ELMO1: variants seen among roughly 807,000 people sequenced by gnomAD.
ELMO1 encodes engulfment and cell motility 1.
A neutral mutation model predicts 98.9 loss-of-function variants in ELMO1; 26 were observed. The observed-to-expected ratio is 0.26, with a 90% CI of 0.19 to 0.36. The LOEUF is 0.36. ELMO1 is among the 10% of genes least tolerant of loss of function. ELMO1 has a pLI of 1.00. For synonymous variants in ELMO1, 346 were observed against 346.0 expected, an observed-to-expected ratio of 1.00 and a Z score of 0.00; for missense variants, 627 against 935.2, an observed-to-expected ratio of 0.67 and a Z score of 4.30.
In ELMO1 at chr7:37,438,953, C is replaced by T. The variant is rs1273183527; in HGVS notation, c.-74+9722G>A. Among the ~76,000 whole-genome samples the T allele has an allele frequency of 3.9e-5, 6 of 152,236 alleles. No homozygotes were observed. The East Asian group carries it at 7.7e-4, about 20-fold the overall frequency. Reference sequence around the variant, plus strand: ...TGTCATCAATATCTACAGGCAAACACGGTGAGTGCTGGCCTCCCCTCCTTT... The same window carrying T: ...TGTCATCAATATCTACAGGCAAACATGGTGAGTGCTGGCCTCCCCTCCTTT... On this transcript the variant is annotated intron_variant, in intron 1 of 21. Transcript: ENST00000310758.
chr7:37,093,259 T>C (rs531170775), intron 15 of ELMO1, among the ~76,000 whole-genome samples: 11 of 152,312 alleles, frequency 7.2e-5, no homozygotes, highest in African/African-American at 2.4e-4. Flanking sequence ...ATGTTTGCTT[T>C]AGACACCAAA....
intron 4 of ELMO1, among the ~76,000 whole-genome samples, chr7:37,279,649 A>G (rs1413885534): frequency 6.6e-6 from 1 of 152,222 alleles, no homozygotes; most frequent in Non-Finnish European, 1.5e-5. Flanking sequence ...GGAGAGAAAT[A>G]CAGGGTAGAG....
At chr7:37,420,785 T>A (rs1804440912) in intron 1 of ELMO1, among the ~76,000 whole-genome samples, 1 of 152,254 alleles carries the variant, frequency 6.6e-6, no homozygotes, top group South Asian at 2.1e-4. Context: ...TTATAACAGC[T>A]TTTAGCATTA....
rs147686476 is a variant in ELMO1 at position 37,182,707 on chromosome 7, G to C, written c.1086+28679C>G. ...GTAAATAAATTTAAAAAGCCAAGAG[G>C]CTTGGGAATGATACAATTATCACTG... On this transcript the variant is annotated intron_variant, in intron 13 of 21. Coordinates refer to ENST00000310758, the MANE Select transcript of ELMO1 (RefSeq NM_014800.11). Among the ~76,000 whole-genome samples the C allele has an allele frequency of 2.1e-3, 320 of 152,080 alleles. 10 individuals are homozygous for C. In the East Asian group the frequency reaches 0.047, roughly 22 times the overall value.
At position 36,917,888 on chromosome 7, in the gene ELMO1, T is replaced by C. The variant is rs372257622; in HGVS notation, c.1438-22871A>G. Among the ~76,000 whole-genome samples, 4 of 152,228 alleles carry C rather than the reference T, an allele frequency of 2.6e-5. No individual in the cohort carries two copies. The East Asian group carries it at 7.7e-4, about 29-fold the overall frequency. On this transcript the variant is annotated intron_variant, in intron 16 of 21. Transcript: ENST00000310758. ...AATGGAATAAATGCAGACAATGAAA[T>C]ATTATGCAAATGTGGGAAGTTTATA...
intron 14 of ELMO1, among the ~76,000 whole-genome samples, chr7:37,121,507 C>G (rs553835531): frequency 1.1e-4 from 17 of 152,134 alleles, no homozygotes; most frequent in African/African-American, 4.1e-4. Context: ...ATTCGATCAG[C>G]TGGAAGAAAG....
rs550364033 is a variant in ELMO1 at position 37,014,863 on chromosome 7, G to T, written c.1301-1428C>A. Among the ~76,000 whole-genome samples, 9 of 152,112 alleles carry T rather than the reference G, an allele frequency of 5.9e-5. No individual in the cohort carries two copies. In the South Asian group the frequency reaches 1.9e-3, roughly 32 times the overall value. Reference sequence around the variant, plus strand: ...CTTATAGCAGAGAGCTTCTGTTCTCGGGGAGAGCCCTGGTGCCTGCCATGT... The same window carrying T: ...CTTATAGCAGAGAGCTTCTGTTCTCTGGGAGAGCCCTGGTGCCTGCCATGT... On this transcript the variant is annotated intron_variant, in intron 15 of 21. Transcript: ENST00000310758.
intron 14 of ELMO1, among the ~76,000 whole-genome samples, chr7:37,118,954 CA>C (rs1341086335): frequency 6.6e-6 from 1 of 152,328 alleles, no homozygotes; most frequent in Admixed American, 6.5e-5. Context: ...ACAGTATGGA[CA>C]ATGGACACAT....
chr7:37,430,990 T>C (rs1804909358), intron 1 of ELMO1, among the ~76,000 whole-genome samples: 1 of 152,130 alleles, frequency 6.6e-6, no homozygotes, highest in African/African-American at 2.4e-5. Context: ...TTGAGCACTT[T>C]CTAGTGTGGC....
chr7:36,907,793 A>T (rs902067502), intron 16 of ELMO1, among the ~76,000 whole-genome samples: 3 of 152,196 alleles, frequency 2.0e-5, no homozygotes, highest in Non-Finnish European at 4.4e-5. Context: ...AATGGCAGAC[A>T]TCACTAATCT....
In ELMO1 at chr7:37,028,693, C is replaced by T. The variant is rs565569102; in HGVS notation, c.1301-15258G>A. Reference sequence around the variant, plus strand: ...TAACTCCTGGGCTCAAGCGACCGTCCCGCCTCAGCCTCCCAAGTACCTAGG... The same window carrying T: ...TAACTCCTGGGCTCAAGCGACCGTCTCGCCTCAGCCTCCCAAGTACCTAGG... On this transcript the variant is annotated intron_variant, in intron 15 of 21. Coordinates refer to ENST00000310758, the MANE Select transcript of ELMO1 (RefSeq NM_014800.11). Among the ~76,000 whole-genome samples the T allele has an allele frequency of 3.3e-5, 5 of 152,272 alleles. No individual in the cohort carries two copies. The South Asian group carries it at 8.3e-4, about 25-fold the overall frequency.
chr7:37,100,936 T>C (rs1299518219), intron 14 of ELMO1, among the ~76,000 whole-genome samples: 2 of 152,232 alleles, frequency 1.3e-5, no homozygotes, highest in Non-Finnish European at 2.9e-5. Context: ...TAAAACCCAA[T>C]TCATGGGACT....
chr7:37,411,017 A>G (rs1424274398), intron 1 of ELMO1, among the ~76,000 whole-genome samples: 1 of 152,216 alleles, frequency 6.6e-6, no homozygotes, highest in Non-Finnish European at 1.5e-5. Context: ...TTTTACTCCC[A>G]CTTACACATT....
At chr7:37,410,763 G>A (rs1162236621) in intron 1 of ELMO1, among the ~76,000 whole-genome samples, 1 of 152,148 alleles carries the variant, frequency 6.6e-6, no homozygotes, top group Non-Finnish European at 1.5e-5. Context: ...GACACATTTT[G>A]GTAGAGAAAC....
intron 16 of ELMO1, among the ~76,000 whole-genome samples, chr7:36,903,186 T>G (rs1316291876): frequency 6.6e-6 from 1 of 152,354 alleles, no homozygotes; most frequent in East Asian, 1.9e-4. Context: ...TTCACTCCTG[T>G]GCCTTCATTC....
chr7:36,890,258 A>G (rs1584317974), intron 17 of ELMO1, among the ~76,000 whole-genome samples: 1 of 152,222 alleles, frequency 6.6e-6, no homozygotes, highest in East Asian at 1.9e-4. Context: ...AGCAATTCAA[A>G]GTCTAGCACT....
intron 13 of ELMO1, among the ~76,000 whole-genome samples, chr7:37,172,935 T>C (rs1563055467): frequency 2.0e-5 from 3 of 152,194 alleles, no homozygotes; most frequent in Admixed American, 6.5e-5. Context: ...TCCTAGCAGA[T>C]TGACTTTTTA....
intron 1 of ELMO1, among the ~76,000 whole-genome samples, chr7:37,394,988 T>TA (rs1803230467): frequency 2.6e-5 from 4 of 152,182 alleles, no homozygotes; most frequent in Non-Finnish European, 4.4e-5. Flanking sequence ...TTCCCAGTGT[T>TA]ACCTCCTGCA....
At chr7:36,887,251 A>G (rs909838550) in intron 18 of ELMO1, among the ~76,000 whole-genome samples, 2 of 152,240 alleles carry the variant, frequency 1.3e-5, no homozygotes, top group African/African-American at 4.8e-5. Flanking sequence ...TCAGAAGACT[A>G]GAGTTTCAGA....
Sources: allele counts gnomAD v4.1 joint callset (sites outside exome capture counted in the v4.1 genomes callset), GRCh38; gene constraint gnomAD v4.1.1; transcripts MANE v1.5; gene names NCBI Gene and HGNC (gene_info 2026-07-23, HGNC 2026-07-21).